CUEDC1: variants seen among roughly 807,000 people sequenced by gnomAD.
CUEDC1 encodes CUE domain-containing protein 1.
CUEDC1 carries 30 observed loss-of-function variants against 43.7 expected under a neutral mutation model. The observed-to-expected ratio is 0.69, with a 90% CI of 0.51 to 0.93. CUEDC1 has a LOEUF of 0.93. Among genes scored for constraint, CUEDC1 ranks in the 40% least tolerant of loss-of-function variants. CUEDC1 has a pLI of 0.00. For synonymous variants in CUEDC1, 223 were observed against 223.6 expected, an observed-to-expected ratio of 1.00 and a Z score of 0.02; for missense variants, 486 against 549.0, an observed-to-expected ratio of 0.89 and a Z score of 1.15.
At chr17:57,947,147 G>GAAAAA (rs34707577) in intron 1 of CUEDC1, among the ~76,000 whole-genome samples, 1 of 79,826 alleles carries the variant, frequency 1.3e-5, no homozygotes, top group Non-Finnish European at 2.5e-5. Flanking sequence ...GTCACCAGGA[G>GAAAAA]AAAAAAAAAA....
intron 1 of CUEDC1, among the ~76,000 whole-genome samples, chr17:57,916,775 T>C (rs1242118088): frequency 3.9e-5 from 6 of 152,290 alleles, no homozygotes; most frequent in Non-Finnish European, 7.4e-5. Context: ...AAATCCACAG[T>C]GAGCACTTAC....
intron 8 of CUEDC1, 86 bp downstream of exon 8, chr17:57,868,064 G>A (rs775637584): frequency 2.7e-6 from 3 of 1,115,466 alleles, no homozygotes; most frequent in South Asian, 1.3e-5. Context: ...CCAGGGGAGG[G>A]CACAGCTGCA....
At chr17:57,951,270 A>G (rs2075004263) in intron 1 of CUEDC1, among the ~76,000 whole-genome samples, 1 of 152,128 alleles carries the variant, frequency 6.6e-6, no homozygotes, top group South Asian at 2.1e-4. Context: ...TACACATGAG[A>G]TCTCTTTTAA....
intron 2 of CUEDC1, among the ~76,000 whole-genome samples, chr17:57,882,969 C>G (rs2074235071): frequency 6.6e-6 from 1 of 152,104 alleles, no homozygotes; most frequent in Non-Finnish European, 1.5e-5. Context: ...GGATTTTTGA[C>G]TGCAAGGGGA....
At chr17:57,900,696 T>C (rs1407641514) in intron 1 of CUEDC1, among the ~76,000 whole-genome samples, 1 of 152,208 alleles carries the variant, frequency 6.6e-6, no homozygotes, top group African/African-American at 2.4e-5. Context: ...CTAGAGGTTG[T>C]CCAGGACTGC....
intron 1 of CUEDC1, among the ~76,000 whole-genome samples, chr17:57,942,594 G>A (rs2074926546): frequency 2.0e-5 from 3 of 151,864 alleles, no homozygotes; most frequent in African/African-American, 2.4e-5. Flanking sequence ...TCACCATGTT[G>A]GCCAGGCTGG....
At chr17:57,886,416 T>A (rs753499763) in intron 1 of CUEDC1, among the ~76,000 whole-genome samples, 1 of 152,226 alleles carries the variant, frequency 6.6e-6, no homozygotes, top group Non-Finnish European at 1.5e-5. Context: ...AGGGCAGGAA[T>A]CTTGTGCAGA....
At chr17:57,895,145 G>A (rs565945459) in intron 1 of CUEDC1, among the ~76,000 whole-genome samples, 1 of 152,180 alleles carries the variant, frequency 6.6e-6, no homozygotes. Flanking sequence ...TCTACAAGGT[G>A]CATATTACTA....
At chr17:57,949,831 T>A (rs1257016085) in intron 1 of CUEDC1, among the ~76,000 whole-genome samples, 1 of 152,098 alleles carries the variant, frequency 6.6e-6, no homozygotes, top group Non-Finnish European at 1.5e-5. Context: ...CTCAAAGTGC[T>A]AGGATTACAG....
At position 57,930,531 on chromosome 17, in the gene CUEDC1, G is replaced by A. The variant is rs1048553378; in HGVS notation, c.-316+24694C>T. 2.0e-5 allele frequency among the ~76,000 whole-genome samples: 3 copies of A among 152,216 alleles called. No individual in the cohort carries two copies. Among genetic ancestry groups the A allele is most frequent in the African/African-American group, 4.8e-5 (2 of 41,454 alleles). Reference sequence around the variant, plus strand: ...AGCACTTGCAAACATTGCGAGGAACGCTACCCACAACCACAGCAAGAGGAG... The same window carrying A: ...AGCACTTGCAAACATTGCGAGGAACACTACCCACAACCACAGCAAGAGGAG... On this transcript the variant is annotated intron_variant, in intron 1 of 10. Coordinates refer to ENST00000577830, the MANE Select transcript of CUEDC1 (RefSeq NM_001271875.2). This position sits in a 1 kb window ranked among gnomAD's most constrained non-coding sequence, Gnocchi z 4.2.
rs764585615 is a variant in CUEDC1, at chr17:57,885,454, C to T, written c.111G>A (p.Arg37=). The part of the protein sequence containing the change: ...TAAPQELNNS[R]PARQVRRLEF... ...CCAGGCGGCGCACCTGGCGGGCAGGCCGGCTGTTGTTGAGCTCCTGGGGGG... is the reference window on the plus strand; with the variant it reads ...CCAGGCGGCGCACCTGGCGGGCAGGTCGGCTGTTGTTGAGCTCCTGGGGGG... Residue 37 remains arginine (R), a synonymous_variant, in exon 2 of 11, where the codon CGG becomes CGA. Coordinates refer to ENST00000577830, the MANE Select transcript of CUEDC1 (RefSeq NM_001271875.2). 3 of 1,595,792 alleles carry T rather than the reference C, an allele frequency of 1.9e-6. No homozygotes were observed. The highest frequency in any genetic ancestry group is 4.6e-5 in the East Asian group (2 of 43,756).
chr17:57,875,853 G>A (rs909671555), intron 3 of CUEDC1, among the ~76,000 whole-genome samples: 6 of 152,136 alleles, frequency 3.9e-5, no homozygotes, highest in Admixed American at 1.3e-4. Flanking sequence ...GGACTTCCAG[G>A]TAAAATTTTT....
At chr17:57,892,088 C>T (rs1196494397) in intron 1 of CUEDC1, among the ~76,000 whole-genome samples, 1 of 152,202 alleles carries the variant, frequency 6.6e-6, no homozygotes, top group Admixed American at 6.5e-5. Context: ...ATTTCCCTCC[C>T]TTTCCTTCCT....
intron 1 of CUEDC1, among the ~76,000 whole-genome samples, chr17:57,953,094 C>T (rs1426524221): frequency 6.6e-6 from 1 of 152,182 alleles, no homozygotes; most frequent in Non-Finnish European, 1.5e-5. Flanking sequence ...TGCCCCAAGA[C>T]CTCCTTAAGA....
intron 1 of CUEDC1, among the ~76,000 whole-genome samples, chr17:57,907,581 C>T (rs544539539): frequency 4.6e-5 from 7 of 152,294 alleles, no homozygotes; most frequent in Non-Finnish European, 8.8e-5. Context: ...CGCAGTGGCT[C>T]ATGCCTGCAA....
chr17:57,937,447 C>A (rs1034378185), intron 1 of CUEDC1, among the ~76,000 whole-genome samples: 1 of 151,328 alleles, frequency 6.6e-6, no homozygotes, highest in African/African-American at 2.4e-5. Context: ...CTCATCTCTA[C>A]AAAAAATACA....
At position 57,942,985 on chromosome 17, in the gene CUEDC1, G is replaced by A. The variant is rs942527090; in HGVS notation, c.-316+12240C>T. ...GGAGCTTGCAGTGAGCCGAGATCGC[G>A]CCACTGCACTCCAGCCTGGGTGACG... On this transcript the variant is annotated intron_variant, in intron 1 of 10. Coordinates refer to ENST00000577830, the MANE Select transcript of CUEDC1 (RefSeq NM_001271875.2). Among the ~76,000 whole-genome samples the A allele has an allele frequency of 9.9e-5, 15 of 152,130 alleles. No individual in the cohort carries two copies. In the East Asian group the frequency reaches 2.3e-3, roughly 24 times the overall value.
chr17:57,879,145 C>A (rs569084706), intron 3 of CUEDC1, among the ~76,000 whole-genome samples: 40 of 152,290 alleles, frequency 2.6e-4, no homozygotes, highest in African/African-American at 9.4e-4. Flanking sequence ...GCCATTCCAT[C>A]AATTACTGAT....
intron 1 of CUEDC1, among the ~76,000 whole-genome samples, chr17:57,901,299 G>A (rs142677806): frequency 6.6e-6 from 1 of 152,324 alleles, no homozygotes; most frequent in Non-Finnish European, 1.5e-5. Context: ...CTGGTCCACA[G>A]GTATACAAAC....
Sources: gnomAD v4.1 joint callset for allele counts (sites outside exome capture counted in the v4.1 genomes callset) on GRCh38, gnomAD v4.1.1 for gene constraint, Gnocchi (gnomAD v3.1) non-coding constraint, MANE v1.5 for transcripts, NCBI Gene and HGNC (gene_info 2026-07-23, HGNC 2026-07-21) for gene names.